ABCA4: variants seen among roughly 807,000 people sequenced by gnomAD.
ABCA4 encodes the protein retinal-specific phospholipid-transporting ATPase ABCA4.
Under a neutral mutation model 263.7 loss-of-function variants are expected in ABCA4, and 196 were observed. The ratio of observed to expected loss-of-function variants is 0.74; its 90% CI spans 0.66 to 0.84. ABCA4 has a LOEUF of 0.84. Among genes scored for constraint, ABCA4 ranks in the 40% least tolerant of loss-of-function variants. ABCA4 has a pLI of 0.00. For missense variants in ABCA4, 2,792 were observed against 2,855.1 expected, an observed-to-expected ratio of 0.98 and a Z score of 0.50; for synonymous variants, 1,133 against 1,094.2, an observed-to-expected ratio of 1.04 and a Z score of -0.70.
At position 94,121,124 on chromosome 1, in the gene ABCA4, G is replaced by A. The variant is rs992561465; in HGVS notation, c.-79C>T. ...AAAGGACATAAACGCCGTTAAGAGCGCCTCTGGCTCCGGACGCTGTGTCCT... is the reference window on the plus strand; with the variant it reads ...AAAGGACATAAACGCCGTTAAGAGCACCTCTGGCTCCGGACGCTGTGTCCT... On this transcript the variant is annotated 5_prime_UTR_variant, in exon 1 of 50. Coordinates refer to ENST00000370225, the MANE Select transcript of ABCA4 (RefSeq NM_000350.3). 2.3e-5 allele frequency: 31 copies of A among 1,340,694 alleles called. No homozygotes were observed. Among genetic ancestry groups the A allele is most frequent in the Admixed American group, 8.4e-5 (5 of 59,592 alleles). The allele number at this position is 1,340,694 out of a possible 1,614,324, so 83.0% of individuals were successfully genotyped here.
At chr1:94,056,986 G>A (rs1661001744) in intron 14 of ABCA4, among the ~76,000 whole-genome samples, 164 bp from the exon 15 acceptor site, 1 of 152,184 alleles carries the variant, frequency 6.6e-6, no homozygotes, top group South Asian at 2.1e-4. Context: ...TTTTCCCTGG[G>A]AGGAGTAGCA....
chr1:94,002,762 C>A (rs1471745434), intron 44 of ABCA4, among the ~76,000 whole-genome samples: 1 of 152,178 alleles, frequency 6.6e-6, no homozygotes, highest in African/African-American at 2.4e-5. Flanking sequence ...GGCCACCCTA[C>A]CTCAAAATGC....
Position 94,010,925 on chromosome 1 carries a change from C to T in ABCA4, c.5589G>A (p.Glu1863=). ...AGTGGAACGGATTTGCAGAGTGCTC[C>T]TCACCTGGGCATCAACAGGAATTGA... The part of the protein sequence containing the change: ...AVTDVYARFG[E]EHSANPFHWD... Residue 1863 remains glutamate, a synonymous_variant, in exon 40 of 50, where the codon GAG becomes GAA. Transcript: ENST00000370225. 1 of 1,614,114 alleles carries T rather than the reference C, an allele frequency of 6.2e-7. No homozygotes were observed. The highest frequency in any genetic ancestry group is 1.1e-5 in the South Asian group (1 of 91,076).
intron 38 of ABCA4, among the ~76,000 whole-genome samples, chr1:94,013,646 CT>C (rs3838273): frequency 0.091 from 13,813 of 152,036 alleles, 1,308 homozygotes; most frequent in African/African-American, 0.24. Context: ...CGACTGCCTT[CT>C]TTTTTTCCCC....
chr1:94,108,310 C>T (rs556324539), intron 4 of ABCA4, among the ~76,000 whole-genome samples: 26 of 152,296 alleles, frequency 1.7e-4, no homozygotes, highest in African/African-American at 5.8e-4. Flanking sequence ...TCATACTTCC[C>T]ATAGTGCCAT....
chr1:94,011,471 G>A, intron 38 of ABCA4, 86 bp from the exon 39 acceptor site: 2 of 1,599,702 alleles, frequency 1.3e-6, no homozygotes, highest in Non-Finnish European at 1.7e-6. Flanking sequence ...GCTCTCACAG[G>A]ACAGCACAGG....
At position 94,030,495 on chromosome 1, in the gene ABCA4, C is replaced by T; in HGVS notation, c.4285G>A (p.Val1429Ile). Residue 1429 changes from valine to isoleucine, a missense_variant, in exon 29 of 50, where the codon GTA becomes ATA. Coordinates refer to ENST00000370225, the MANE Select transcript of ABCA4 (RefSeq NM_000350.3). ...TTATTCAGGAGGACGTCTGCAAGTA[C>T]CGTGAACTGCTCACTGCCTGGTTCA... The part of the protein sequence containing the change: ...MDEPGSEQFT[V>I]LADVLLNKPG... 1 of 1,614,236 alleles carries T rather than the reference C, an allele frequency of 6.2e-7. No homozygotes were observed. The highest frequency in any genetic ancestry group is 8.5e-7 in the Non-Finnish European group (1 of 1,180,050).
chr1:94,106,878 C>A (rs11579526), intron 4 of ABCA4, among the ~76,000 whole-genome samples: 2 of 151,842 alleles, frequency 1.3e-5, no homozygotes, highest in African/African-American at 4.8e-5. Context: ...GGGCCCCACA[C>A]GCGCTGTGGT....
At chr1:94,105,883 C>T (rs1205729049) in intron 4 of ABCA4, among the ~76,000 whole-genome samples, 1 of 152,168 alleles carries the variant, frequency 6.6e-6, no homozygotes, top group Non-Finnish European at 1.5e-5. Flanking sequence ...TGCAGAAGCA[C>T]GCACCAGCAC....
intron 11 of ABCA4, among the ~76,000 whole-genome samples, chr1:94,073,385 T>C (rs1661457566): frequency 6.6e-6 from 1 of 152,166 alleles, no homozygotes; most frequent in South Asian, 2.1e-4. Context: ...CCGGAGGATG[T>C]GATTTGCAGC....
rs756929886 is a variant in ABCA4, at chr1:94,041,419, A to C, written c.3329-17T>G. 1 of 1,613,106 alleles carries C rather than the reference A, an allele frequency of 6.2e-7. No individual in the cohort carries two copies. The highest frequency in any genetic ancestry group is 1.1e-5 in the South Asian group (1 of 91,026). On this transcript the variant is annotated splice_polypyrimidine_tract_variant and intron_variant, in intron 22 of 49. Transcript: ENST00000370225. ...TGGTTCTGCCTGCAAGGTAGGGGCC[A>C]GGGCAATCACCAGGCCTGCCCTGGG...
At chr1:94,075,018 G>C (rs538509386) in intron 11 of ABCA4, among the ~76,000 whole-genome samples, 2 of 152,254 alleles carry the variant, frequency 1.3e-5, no homozygotes, top group East Asian at 3.9e-4. Context: ...GCAGGGACAT[G>C]GAAGAAGCTG....
intron 30 of ABCA4, among the ~76,000 whole-genome samples, chr1:94,027,706 A>G (rs1304589841): frequency 1.3e-5 from 2 of 152,148 alleles, no homozygotes; most frequent in Admixed American, 6.5e-5. Context: ...TGCTCCCATT[A>G]TTTGCTCCTC....
intron 6 of ABCA4, among the ~76,000 whole-genome samples, chr1:94,087,685 G>A (rs1469704231): frequency 3.3e-5 from 5 of 152,198 alleles, no homozygotes; most frequent in African/African-American, 1.2e-4. Context: ...CCCTCTTGGA[G>A]GACCCAGCTC....
intron 6 of ABCA4, among the ~76,000 whole-genome samples, chr1:94,089,476 T>TTC (rs1456930438): frequency 6.6e-6 from 1 of 151,750 alleles, no homozygotes; most frequent in Non-Finnish European, 1.5e-5. Flanking sequence ...TTCTATTTTT[T>TTC]TTTTTTTTTG....
rs61754055 is a variant in ABCA4, at chr1:94,021,873, G to A, written c.4746C>T (p.Asp1582=). The change falls in exon 33 of 50, where the codon GAC becomes GAT. Residue 1582 remains aspartate (D), a synonymous_variant. Transcript: ENST00000370225. ...TGEALVGFLS[D]LGRIMNVSGG... ...CGCTCACATTCATGATCCGGCCAAGGTCGCTTAAAAACCCAACAAGTGCTT... is the reference window on the plus strand; with the variant it reads ...CGCTCACATTCATGATCCGGCCAAGATCGCTTAAAAACCCAACAAGTGCTT... The A allele has an allele frequency of 2.3e-5, 37 of 1,614,020 alleles. No homozygotes were observed. Among genetic ancestry groups the A allele is most frequent in the Non-Finnish European group, 3.1e-5 (37 of 1,180,040 alleles).
chr1:94,032,860 G>A (rs76188158), intron 26 of ABCA4, among the ~76,000 whole-genome samples: 2,456 of 152,326 alleles, frequency 0.016, 64 homozygotes, highest in African/African-American at 0.055. Flanking sequence ...AGAAAGGGGA[G>A]AGGAAGTGGG....
At chr1:94,093,246 A>G (rs1457346148) in intron 6 of ABCA4, among the ~76,000 whole-genome samples, 2 of 152,180 alleles carry the variant, frequency 1.3e-5, no homozygotes, top group Non-Finnish European at 2.9e-5. Flanking sequence ...TGGTAGGTAG[A>G]AAAACATTTT....
intron 22 of ABCA4, among the ~76,000 whole-genome samples, chr1:94,042,352 T>G (rs773300394): frequency 6.6e-6 from 1 of 152,070 alleles, no homozygotes; most frequent in African/African-American, 2.4e-5. Flanking sequence ...GTGGCCACCC[T>G]CTGGAGCACT....
Sources: gnomAD v4.1 joint callset for allele counts (sites outside exome capture counted in the v4.1 genomes callset) on GRCh38, gnomAD v4.1.1 for gene constraint, MANE v1.5 for transcripts, NCBI Gene and HGNC (gene_info 2026-07-23, HGNC 2026-07-21) for gene names.